PPP1R12A: variants seen among roughly 807,000 people sequenced by gnomAD.
PPP1R12A encodes the protein protein phosphatase 1 regulatory subunit 12A.
A neutral mutation model predicts 139.6 loss-of-function variants in PPP1R12A; 19 were observed. That is an observed-to-expected ratio of 0.14 (90% confidence interval 0.09 to 0.20). The LOEUF is 0.20. Ranked by LOEUF, PPP1R12A falls within the 10% of genes least tolerant of loss-of-function variation. The pLI, the probability that PPP1R12A is intolerant of heterozygous loss-of-function variation, is 1.00. For missense variants in PPP1R12A, 925 were observed against 1,211.5 expected (o/e 0.76, Z 3.51); for synonymous variants, 427 against 420.6 (o/e 1.02, Z -0.19).
Position 79,807,310 on chromosome 12 carries a change from G to C in PPP1R12A, c.1571C>G (p.Thr524Arg), listed in dbSNP as rs1490063682. The C allele has an allele frequency of 3.2e-6, 5 of 1,550,690 alleles. No individual in the cohort carries two copies. In the Admixed American group the frequency reaches 7.9e-5, roughly 24 times the overall value. The change falls in exon 12 of 25, where the codon ACA becomes AGA. Residue 524 changes from threonine (T) to arginine (R), a missense_variant. Physicochemically the swap from Thr to Arg is moderately conservative, Grantham distance 71 (BLOSUM62 -1). This residue lies in a region of PPP1R12A where 403 missense variants were observed against 463.7 expected (regional missense o/e 0.87). Coordinates refer to ENST00000450142, the MANE Select transcript of PPP1R12A (RefSeq NM_002480.3). ...KENRDSSSLR[T>R]SSSYTRRKWE... Reference sequence around the variant, plus strand: ...TTTTCTCCTTGTATATGAACTACTTGTTCGCAAACTTGAAGAATCTCTGTT... The same window carrying C: ...TTTTCTCCTTGTATATGAACTACTTCTTCGCAAACTTGAAGAATCTCTGTT...
chr12:79,828,188 G>A, intron 5 of PPP1R12A, 132 bp downstream of exon 5: 1 of 782,484 alleles, frequency 1.3e-6, no homozygotes, highest in Admixed American at 3.8e-5. Context: ...CTGAAAAAAT[G>A]TTTTATACAG....
At chr12:79,807,672 A>G (rs888586483) in intron 11 of PPP1R12A, among the ~76,000 whole-genome samples, 3 of 152,052 alleles carry the variant, frequency 2.0e-5, no homozygotes, top group Non-Finnish European at 4.4e-5. Context: ...ATATATTAAC[A>G]TAGAAGACTG....
chr12:79,804,429 G>T (rs1016872090), intron 14 of PPP1R12A, among the ~76,000 whole-genome samples: 2 of 151,906 alleles, frequency 1.3e-5, no homozygotes, highest in Non-Finnish European at 2.9e-5. Context: ...CATAGAAATA[G>T]AAACAAAACC....
intron 1 of PPP1R12A, among the ~76,000 whole-genome samples, chr12:79,926,313 G>A (rs1887837818): frequency 2.6e-5 from 4 of 152,170 alleles, no homozygotes; most frequent in Admixed American, 2.6e-4. Flanking sequence ...AGCCTCCTGA[G>A]TAGCTGGGAT....
At chr12:79,827,907 G>A (rs1409792217) in intron 5 of PPP1R12A, among the ~76,000 whole-genome samples, 1 of 152,118 alleles carries the variant, frequency 6.6e-6, no homozygotes, top group Non-Finnish European at 1.5e-5. Flanking sequence ...CTATAAGCAA[G>A]CTAAAAGACC....
intron 1 of PPP1R12A, among the ~76,000 whole-genome samples, chr12:79,877,269 A>G (rs1302764379): frequency 6.6e-6 from 1 of 152,220 alleles, no homozygotes; most frequent in Non-Finnish European, 1.5e-5. Context: ...CAAAGTGCCT[A>G]GAACATATCT....
chr12:79,811,709 C>T (rs899937733), intron 9 of PPP1R12A, among the ~76,000 whole-genome samples: 4 of 152,170 alleles, frequency 2.6e-5, no homozygotes, highest in African/African-American at 9.7e-5. Context: ...GTGGCTGTAA[C>T]CAATAAAACT....
intron 9 of PPP1R12A, among the ~76,000 whole-genome samples, chr12:79,810,920 T>C (rs1409138317): frequency 1.3e-5 from 2 of 152,150 alleles, no homozygotes; most frequent in African/African-American, 2.4e-5. Flanking sequence ...AATTTACTGA[T>C]TTCCCCACCA....
intron 1 of PPP1R12A, among the ~76,000 whole-genome samples, chr12:79,877,513 T>C (rs942731924): frequency 4.6e-5 from 7 of 152,166 alleles, no homozygotes; most frequent in Admixed American, 4.6e-4. Flanking sequence ...GAAATCATAC[T>C]GATTAAATTC....
intron 1 of PPP1R12A, among the ~76,000 whole-genome samples, chr12:79,927,139 G>C (rs1887908287): frequency 6.6e-6 from 1 of 152,082 alleles, no homozygotes; most frequent in South Asian, 2.1e-4. Flanking sequence ...AGTGAACTAT[G>C]TTCATGCCAC....
At chr12:79,834,379 T>C (rs1408488496) in intron 3 of PPP1R12A, among the ~76,000 whole-genome samples, 1 of 152,184 alleles carries the variant, frequency 6.6e-6, no homozygotes, top group East Asian at 1.9e-4. Context: ...TGACACGATC[T>C]GACTTAAGAG....
chr12:79,929,732 G>C (rs1888108301), intron 1 of PPP1R12A, among the ~76,000 whole-genome samples: 1 of 150,784 alleles, frequency 6.6e-6, no homozygotes. Flanking sequence ...TTACACCACT[G>C]CACTCCAGCC....
At chr12:79,848,714 A>G (rs1385959965) in intron 2 of PPP1R12A, 2 of 152,182 alleles carry the variant, frequency 1.3e-5, no homozygotes, top group Non-Finnish European at 2.9e-5. Context: ...CTCTAGAACT[A>G]TTACTTGCAA....
At chr12:79,877,450 CTGAGA>C (rs1883216889) in intron 1 of PPP1R12A, among the ~76,000 whole-genome samples, 3 of 152,238 alleles carry the variant, frequency 2.0e-5, no homozygotes, top group East Asian at 1.9e-4. Flanking sequence ...TTATAGAATG[CTGAGA>C]TAAGAGAGTG....
chr12:79,894,852 T>A (rs569819499), intron 1 of PPP1R12A, among the ~76,000 whole-genome samples: 1 of 152,206 alleles, frequency 6.6e-6, no homozygotes, highest in African/African-American at 2.4e-5. Context: ...TTGGGAATTA[T>A]GTTTGCTTTT....
intron 21 of PPP1R12A, chr12:79,788,433 T>G: frequency 5.2e-5 from 24 of 460,884 alleles, no homozygotes; most frequent in East Asian, 7.4e-5. Context: ...AGCAATGACT[T>G]GAGATACTTA....
chr12:79,914,293 AC>A, intron 1 of PPP1R12A, among the ~76,000 whole-genome samples: 1 of 152,152 alleles, frequency 6.6e-6, no homozygotes, highest in Non-Finnish European at 1.5e-5. Context: ...AAGAAGTAAT[AC>A]CAAGATATCC....
intron 22 of PPP1R12A, among the ~76,000 whole-genome samples, chr12:79,785,803 A>ATG (rs1208843647): frequency 1.3e-5 from 2 of 152,288 alleles, no homozygotes; most frequent in South Asian, 4.1e-4. Context: ...CCTGTCTCCC[A>ATG]GAACTAATGT....
intron 2 of PPP1R12A, among the ~76,000 whole-genome samples, chr12:79,856,109 T>A (rs957995430): frequency 9.2e-5 from 14 of 152,336 alleles, no homozygotes; most frequent in Admixed American, 7.2e-4. Flanking sequence ...CCTAGTTTTC[T>A]TGCCCAACCT....
Sources: gnomAD v4.1 joint callset for allele counts (sites outside exome capture counted in the v4.1 genomes callset) on GRCh38, gnomAD v4.1.1 for gene constraint, gnomAD v4.1.1 regional missense constraint, MANE v1.5 for transcripts, NCBI Gene and HGNC (gene_info 2026-07-23, HGNC 2026-07-21) for gene names.